ABCC1: variants seen among roughly 807,000 people sequenced by gnomAD.
ABCC1 encodes the protein multidrug resistance-associated protein 1.
A neutral mutation model predicts 172.9 loss-of-function variants in ABCC1; 83 were observed. The observed-to-expected ratio is 0.48, with a 90% CI of 0.40 to 0.58. The LOEUF is 0.58. ABCC1 is among the 20% of genes least tolerant of loss of function. The pLI, the probability that ABCC1 is intolerant of heterozygous loss-of-function variation, is 0.00. For synonymous variants in ABCC1, 937 were observed against 825.2 expected (o/e 1.14, Z -2.32); for missense variants, 1,817 against 2,002.7 (o/e 0.91, Z 1.77).
At chr16:16,034,471 C>T (rs2048674214) in intron 6 of ABCC1, among the ~76,000 whole-genome samples, 2 of 151,702 alleles carry the variant, frequency 1.3e-5, no homozygotes, top group South Asian at 4.1e-4. Context: ...TAATAACATT[C>T]ATTCTTGTTT....
At chr16:16,126,266 C>A (rs1315511512) in intron 26 of ABCC1, among the ~76,000 whole-genome samples, 1 of 152,202 alleles carries the variant, frequency 6.6e-6, no homozygotes, top group African/African-American at 2.4e-5. Context: ...AGGTCTTTAA[C>A]ACCTTAGCAA....
At chr16:16,040,666 A>G (rs1266692671) in intron 7 of ABCC1, among the ~76,000 whole-genome samples, 1 of 151,906 alleles carries the variant, frequency 6.6e-6, no homozygotes, top group Non-Finnish European at 1.5e-5. Context: ...TTAGTTACAT[A>G]TGTATAGAGA....
At position 16,079,399 on chromosome 16, in the gene ABCC1, A is replaced by C. The variant is rs551578363; in HGVS notation, c.2036A>C (p.Gln679Pro). Residue 679 changes from glutamine to proline, a missense_variant, in exon 16 of 31, where the codon CAG (glutamine) becomes CCG (proline). Transcript: ENST00000399410. ...GGTGCTTTGGTGGCCGTGGTGGGCCAGGTGGGCTGCGGAAAGTCGTCCCTG... is the reference window on the plus strand; with the variant it reads ...GGTGCTTTGGTGGCCGTGGTGGGCCCGGTGGGCTGCGGAAAGTCGTCCCTG... ...PEGALVAVVG[Q>P]VGCGKSSLLS... 151 of 1,614,004 alleles carry C rather than the reference A, an allele frequency of 9.4e-5. 1 individual carries two copies. The South Asian group carries it at 1.5e-3, about 17-fold the overall frequency.
At chr16:15,953,652 A>C (rs909839631) in intron 1 of ABCC1, among the ~76,000 whole-genome samples, 1 of 152,026 alleles carries the variant, frequency 6.6e-6, no homozygotes. Context: ...TTGCTGTTGC[A>C]CCAACTGCCA....
At chr16:15,963,384 C>T (rs1263704815) in intron 1 of ABCC1, among the ~76,000 whole-genome samples, 4 of 152,226 alleles carry the variant, frequency 2.6e-5, no homozygotes, top group African/African-American at 9.7e-5. Flanking sequence ...GATGGTGGCC[C>T]TTTTCTCACA....
intron 27 of ABCC1, among the ~76,000 whole-genome samples, chr16:16,132,437 G>A (rs1483791287): frequency 6.6e-6 from 1 of 150,802 alleles, no homozygotes; most frequent in African/African-American, 2.4e-5. Flanking sequence ...GCTTCCCAAA[G>A]TGCTGGGATT....
chr16:16,033,322 G>C (rs1390244656), intron 6 of ABCC1, 152 bp downstream of exon 6: 6 of 735,266 alleles, frequency 8.2e-6, no homozygotes, highest in Non-Finnish European at 1.4e-5. Context: ...TGGCCATGTG[G>C]TCTCAGAGAC....
At chr16:16,029,089 G>A (rs961084056) in intron 5 of ABCC1, among the ~76,000 whole-genome samples, 1 of 152,150 alleles carries the variant, frequency 6.6e-6, no homozygotes, top group Admixed American at 6.5e-5. Flanking sequence ...TCACCCCTCC[G>A]AGCCCCAGAG....
At chr16:16,026,858 A>C (rs2048392448) in intron 5 of ABCC1, among the ~76,000 whole-genome samples, 1 of 152,096 alleles carries the variant, frequency 6.6e-6, no homozygotes, top group South Asian at 2.1e-4. Context: ...TGGAGGTTGC[A>C]GTGAGCCGAG....
At chr16:16,113,732 G>A (rs2044726356) in intron 22 of ABCC1, among the ~76,000 whole-genome samples, 1 of 152,162 alleles carries the variant, frequency 6.6e-6, no homozygotes. Context: ...CATCATTTCA[G>A]AAAATTATCT....
chr16:16,063,953 C>G (rs2050016202), intron 12 of ABCC1, among the ~76,000 whole-genome samples: 1 of 152,172 alleles, frequency 6.6e-6, no homozygotes, highest in Non-Finnish European at 1.5e-5. Flanking sequence ...TCATGTCTTT[C>G]AGGGCTTGGG....
chr16:16,036,391 G>C (rs944951357), intron 6 of ABCC1, 81 bp from the exon 7 acceptor site: 1 of 1,354,252 alleles, frequency 7.4e-7, no homozygotes, highest in Admixed American at 2.0e-5. Context: ...ATCAGCAGGC[G>C]TGTGGAGTGA....
In ABCC1 at chr16:16,090,428, C is replaced by T; in HGVS notation, c.2484C>T (p.Ser828=). 3 of 1,609,738 alleles carry T rather than the reference C, an allele frequency of 1.9e-6. No individual in the cohort carries two copies. The highest frequency in any genetic ancestry group is 2.2e-5 in the South Asian group (2 of 90,454). Reference sequence around the variant, plus strand: ...AGACGCGGATCTTGGTCACGCACAGCATGAGCTACTTGCCGCAGGTGGACG... The same window carrying T: ...AGACGCGGATCTTGGTCACGCACAGTATGAGCTACTTGCCGCAGGTGGACG... ...KNKTRILVTH[S]MSYLPQVDVI... The change falls in exon 19 of 31, where the codon AGC becomes AGT. Residue 828 remains serine (S), a synonymous_variant. Coordinates refer to ENST00000399410, the MANE Select transcript of ABCC1 (RefSeq NM_004996.4).
rs928146608 is a variant in ABCC1, at chr16:16,097,651, A to G, written c.2645-4976A>G. On this transcript the variant is annotated intron_variant, in intron 19 of 30. Coordinates refer to ENST00000399410, the MANE Select transcript of ABCC1 (RefSeq NM_004996.4). Reference sequence around the variant, plus strand: ...ACCCCCTCTCAGGTCTGCTTTAGAAAGCAGCTTTGTCAGTCCTGCCTATGA... The same window carrying G: ...ACCCCCTCTCAGGTCTGCTTTAGAAGGCAGCTTTGTCAGTCCTGCCTATGA... Among the ~76,000 whole-genome samples, 3 of 152,170 alleles carry G rather than the reference A, an allele frequency of 2.0e-5. No individual in the cohort carries two copies. In the East Asian group the frequency reaches 5.8e-4, roughly 29 times the overall value.
At chr16:16,054,638 G>C (rs1414125906) in intron 11 of ABCC1, among the ~76,000 whole-genome samples, 1 of 152,100 alleles carries the variant, frequency 6.6e-6, no homozygotes, top group African/African-American at 2.4e-5. Context: ...TTAGGATTGA[G>C]TCACCCTTCA....
At chr16:16,068,040 G>C (rs912775834) in intron 12 of ABCC1, 116 bp from the exon 13 acceptor site, 3 of 1,213,132 alleles carry the variant, frequency 2.5e-6, no homozygotes, top group Non-Finnish European at 2.3e-6. Flanking sequence ...TCCAGCAGCT[G>C]GTCAGTTGTG....
chr16:16,138,650 C>T, intron 30 of ABCC1, 92 bp downstream of exon 30: 1 of 1,084,262 alleles, frequency 9.2e-7, no homozygotes, highest in South Asian at 2.3e-5. Flanking sequence ...CAACACTGTC[C>T]TTATCCCTAG....
intron 20 of ABCC1, among the ~76,000 whole-genome samples, chr16:16,103,906 C>T (rs1025601403): frequency 6.6e-6 from 1 of 152,138 alleles, no homozygotes; most frequent in Non-Finnish European, 1.5e-5. Context: ...TTAAAGGTGG[C>T]ACGTCTGGGG....
intron 16 of ABCC1, among the ~76,000 whole-genome samples, chr16:16,082,325 A>G (rs1276297976): frequency 6.6e-6 from 1 of 152,148 alleles, no homozygotes; most frequent in South Asian, 2.1e-4. Flanking sequence ...GCTCATGCCT[A>G]TAATCCCAGC....
Sources: gnomAD v4.1 joint callset for allele counts (sites outside exome capture counted in the v4.1 genomes callset) on GRCh38, gnomAD v4.1.1 for gene constraint, MANE v1.5 for transcripts, NCBI Gene and HGNC (gene_info 2026-07-23, HGNC 2026-07-21) for gene names.